The following IL1RAPL2 variants were observed in gnomAD, a reference collection of about 807,000 sequenced individuals.
IL1RAPL2 encodes the protein X-linked interleukin-1 receptor accessory protein-like 2.
In IL1RAPL2, 3 loss-of-function variants were observed where a neutral mutation model predicts 44.1. The observed-to-expected ratio is 0.07, with a 90% CI of 0.03 to 0.18. The LOEUF (loss-of-function observed/expected upper bound fraction) is 0.18. Among genes scored for constraint, IL1RAPL2 ranks in the 10% least tolerant of loss-of-function variants. The pLI is 1.00. For missense variants in IL1RAPL2, 391 were observed against 496.4 expected, an observed-to-expected ratio of 0.79 and a Z score of 2.02; for synonymous variants, 181 against 178.8, an observed-to-expected ratio of 1.01 and a Z score of -0.10.
intron 4 of IL1RAPL2, among the ~76,000 whole-genome samples, chrX:105,255,892 C>T (rs760816473): frequency 3.1e-4 from 35 of 111,964 alleles, no homozygotes; most frequent in Middle Eastern, 4.6e-3. Flanking sequence ...AAAGCCTTTG[C>T]TTTGTCTATT....
chrX:104,647,005 G>A (rs1930053726), intron 1 of IL1RAPL2, among the ~76,000 whole-genome samples: 1 of 110,775 alleles, frequency 9.0e-6, no homozygotes, highest in Non-Finnish European at 1.9e-5. Context: ...CCCTCCTAAG[G>A]ATTATAGTAG....
chrX:104,966,451 A>T (rs780015037), intron 2 of IL1RAPL2, among the ~76,000 whole-genome samples: 11 of 111,896 alleles, frequency 9.8e-5, no homozygotes, highest in Admixed American at 5.7e-4. Flanking sequence ...ATTATATTTC[A>T]GATAAAATTG....
At chrX:105,635,790 T>C (rs943092633) in intron 6 of IL1RAPL2, among the ~76,000 whole-genome samples, 1 of 112,058 alleles carries the variant, frequency 8.9e-6, no homozygotes, top group African/African-American at 3.2e-5. Flanking sequence ...CTCTAAGATC[T>C]ATTTCCATTT....
intron 1 of IL1RAPL2, among the ~76,000 whole-genome samples, chrX:104,573,922 T>C (rs1204711803): frequency 2.7e-5 from 3 of 111,701 alleles, no homozygotes; most frequent in Non-Finnish European, 3.8e-5. Context: ...AGGGGAAATT[T>C]AATAAAGCTA....
At chrX:105,560,579 C>T (rs2036928746) in intron 6 of IL1RAPL2, among the ~76,000 whole-genome samples, 1 of 110,020 alleles carries the variant, frequency 9.1e-6, no homozygotes, top group African/African-American at 3.3e-5. Flanking sequence ...CCACCACGCC[C>T]GGCTAACTTT....
intron 2 of IL1RAPL2, among the ~76,000 whole-genome samples, chrX:104,956,459 T>A (rs2029899237): frequency 1.1e-5 from 1 of 89,222 alleles, no homozygotes; most frequent in South Asian, 6.6e-4. Flanking sequence ...CTGTCTCTAC[T>A]AAGTGTGTGT....
At chrX:105,764,198 G>A (rs1271935020) in intron 10 of IL1RAPL2, among the ~76,000 whole-genome samples, 1 of 111,198 alleles carries the variant, frequency 9.0e-6, no homozygotes, top group Non-Finnish European at 1.9e-5. Context: ...AGTATAGTGG[G>A]ACCTGTACTG....
intron 10 of IL1RAPL2, among the ~76,000 whole-genome samples, chrX:105,756,663 C>T (rs2038642046): frequency 8.9e-6 from 1 of 111,745 alleles, no homozygotes; most frequent in South Asian, 3.7e-4. Context: ...AAGAATTCCC[C>T]AAGCTTCTTA....
chrX:104,614,533 A>G (rs753614871), intron 1 of IL1RAPL2, among the ~76,000 whole-genome samples: 5 of 111,785 alleles, frequency 4.5e-5, no homozygotes, highest in Non-Finnish European at 9.4e-5. Flanking sequence ...GATGCCTATG[A>G]GGTCCAACTG....
At chrX:105,012,142 A>G (rs148613156) in intron 2 of IL1RAPL2, among the ~76,000 whole-genome samples, 55 of 111,386 alleles carry the variant, frequency 4.9e-4, no homozygotes, top group African/African-American at 1.8e-3. Flanking sequence ...TTTGTAAGAT[A>G]CCCATCTGAA....
chrX:105,661,691 A>G (rs2037721581), intron 6 of IL1RAPL2, among the ~76,000 whole-genome samples: 1 of 112,140 alleles, frequency 8.9e-6, no homozygotes, highest in Non-Finnish European at 1.9e-5. Flanking sequence ...TCTAATACTT[A>G]TCAGTTTCTA....
intron 6 of IL1RAPL2, among the ~76,000 whole-genome samples, chrX:105,710,061 ACTTT>A (rs1225341537): frequency 1.8e-5 from 2 of 111,742 alleles, no homozygotes; most frequent in East Asian, 5.6e-4. Context: ...GTCTCATCTT[ACTTT>A]GAGGTCTGCT....
chrX:104,664,054 G>A (rs1300285904), intron 2 of IL1RAPL2, among the ~76,000 whole-genome samples: 1 of 110,744 alleles, frequency 9.0e-6, no homozygotes, highest in African/African-American at 3.3e-5. Flanking sequence ...TGGTTTTAGG[G>A]TTAGGGAGGG....
At chrX:105,538,230 G>T (rs1332208912) in intron 6 of IL1RAPL2, among the ~76,000 whole-genome samples, 2 of 108,059 alleles carry the variant, frequency 1.9e-5, no homozygotes, top group East Asian at 2.9e-4. Flanking sequence ...TAGAGACAGG[G>T]TTTCACCGTG....
At chrX:104,946,371 C>T (rs1314261697) in intron 2 of IL1RAPL2, among the ~76,000 whole-genome samples, 3 of 3,437 alleles carry the variant, frequency 8.7e-4, no homozygotes, top group Non-Finnish European at 3.2e-3. Context: ...CAGAGCAAGA[C>T]TCCGTCTCAA....
chrX:104,657,776 G>GA (rs1438006422), intron 1 of IL1RAPL2, among the ~76,000 whole-genome samples: 21 of 108,180 alleles, frequency 1.9e-4, no homozygotes, highest in East Asian at 1.2e-3. Flanking sequence ...AAATTTACAA[G>GA]AAAAAAAAAC....
chrX:105,530,509 A>G (rs943466441), intron 6 of IL1RAPL2, among the ~76,000 whole-genome samples: 1 of 111,339 alleles, frequency 9.0e-6, no homozygotes, highest in Non-Finnish European at 1.9e-5. Context: ...ATGCTTTGAT[A>G]CAGGAATGTA....
At position 104,941,591 on chromosome X, in the gene IL1RAPL2, G is replaced by A. The variant is rs758048504; in HGVS notation, c.83-253884G>A. ...TTTGTTTAAGTTCTTTGTAGATTCT[G>A]GATATTAGCCCTTTGTCAGACGGGT... On this transcript the variant is annotated intron_variant, in intron 2 of 10. Coordinates refer to ENST00000372582, the MANE Select transcript of IL1RAPL2 (RefSeq NM_017416.2). Among the ~76,000 whole-genome samples the A allele has an allele frequency of 6.3e-5, 7 of 111,410 alleles. No individual in the cohort carries two copies. In the South Asian group the frequency reaches 2.3e-3, roughly 36 times the overall value.
At chrX:104,567,446 T>A (rs1928059661) in intron 1 of IL1RAPL2, among the ~76,000 whole-genome samples, 1 of 112,582 alleles carries the variant, frequency 8.9e-6, no homozygotes, top group African/African-American at 3.2e-5. Flanking sequence ...CAACTGGAGC[T>A]GGGAAGAGGC....
Sources: gnomAD v4.1 joint callset for allele counts (sites outside exome capture counted in the v4.1 genomes callset) on GRCh38, gnomAD v4.1.1 for gene constraint, MANE v1.5 for transcripts, NCBI Gene and HGNC (gene_info 2026-07-23, HGNC 2026-07-21) for gene names.